Variants in GMDS observed in about 807,000 individuals in gnomAD.
The protein encoded by GMDS is GDP-mannose 4,6 dehydratase.
A neutral mutation model predicts 49.9 loss-of-function variants in GMDS; 20 were observed. The observed-to-expected ratio is 0.40, with a 90% CI of 0.28 to 0.58. The LOEUF (loss-of-function observed/expected upper bound fraction) is 0.58, where lower values mean the gene tolerates loss of function less well. Ranked by LOEUF, GMDS falls within the 20% of genes least tolerant of loss-of-function variation. The pLI is 0.42. For synonymous variants in GMDS, 177 were observed against 178.6 expected (o/e 0.99, Z 0.07); for missense variants, 362 against 481.4 (o/e 0.75, Z 2.32).
chr6:1,930,536 G>C, intron 6 of GMDS: 1 of 233,282 alleles, frequency 4.3e-6, no homozygotes, highest in East Asian at 8.9e-5. Context: ...CCAAAGAAAA[G>C]CTGTTGGAAT....
At chr6:2,020,763 A>G (rs1768230917) in intron 4 of GMDS, among the ~76,000 whole-genome samples, 5 of 152,214 alleles carry the variant, frequency 3.3e-5, no homozygotes, top group Admixed American at 3.3e-4. Flanking sequence ...GAAAGAGGAA[A>G]TTAGGCAAAT....
At chr6:1,668,648 A>G (rs1232458056) in intron 9 of GMDS, among the ~76,000 whole-genome samples, 4 of 151,960 alleles carry the variant, frequency 2.6e-5, no homozygotes, top group Non-Finnish European at 5.9e-5. Flanking sequence ...CGGAGTTTGC[A>G]GTAAGCTGAG....
intron 4 of GMDS, among the ~76,000 whole-genome samples, chr6:1,969,261 CAAAAAAAAA>C (rs761741871): frequency 5.5e-3 from 78 of 14,088 alleles, no homozygotes; most frequent in South Asian, 0.047. Flanking sequence ...GGCTCCATCT[CAAAAAAAAA>C]AAAAAAAAAA....
chr6:2,215,719 G>A (rs573701956), intron 1 of GMDS, among the ~76,000 whole-genome samples: 1 of 151,992 alleles, frequency 6.6e-6, no homozygotes, highest in Non-Finnish European at 1.5e-5. Flanking sequence ...TTAAAGACAG[G>A]CTAAGAGACA....
intron 7 of GMDS, among the ~76,000 whole-genome samples, chr6:1,813,758 AT>A (rs546210793): frequency 1.1e-3 from 173 of 152,084 alleles, no homozygotes; most frequent in African/African-American, 4.0e-3. Context: ...CTCATGTATT[AT>A]TTTTTTTAAT....
intron 4 of GMDS, among the ~76,000 whole-genome samples, chr6:2,026,799 G>A (rs1222718622): frequency 6.6e-6 from 1 of 152,164 alleles, no homozygotes; most frequent in Non-Finnish European, 1.5e-5. Context: ...GGATGTCAGT[G>A]CATATTAATC....
At chr6:2,072,692 A>G (rs892807272) in intron 4 of GMDS, among the ~76,000 whole-genome samples, 2 of 152,230 alleles carry the variant, frequency 1.3e-5, no homozygotes, top group African/African-American at 4.8e-5. Flanking sequence ...GAAGCCAAGA[A>G]CAACAGGCAT....
chr6:1,724,904 A>G (rs1394799744), intron 9 of GMDS, among the ~76,000 whole-genome samples: 1 of 152,214 alleles, frequency 6.6e-6, no homozygotes, highest in Non-Finnish European at 1.5e-5. Context: ...GCACGACTCC[A>G]CAGCCCTACC....
intron 9 of GMDS, among the ~76,000 whole-genome samples, chr6:1,685,044 TA>T (rs1197317751): frequency 6.6e-6 from 1 of 150,556 alleles, no homozygotes; most frequent in Non-Finnish European, 1.5e-5. Flanking sequence ...TTACCCACCT[TA>T]AAAAAAAGGT....
intron 6 of GMDS, among the ~76,000 whole-genome samples, chr6:1,935,084 T>G (rs149573595): frequency 8.4e-4 from 128 of 152,342 alleles, no homozygotes; most frequent in African/African-American, 3.0e-3. Context: ...CTTAAATACA[T>G]ACTTGATTTA....
Position 1,780,639 on chromosome 6 carries a change from G to A in GMDS, c.772-38053C>T, listed in dbSNP as rs543405513. ...GTGCCAGGCCCAGGAGCTGGCTCCC[G>A]CGCTGCTCTGCCCATCCTCTGCCCG... On this transcript the variant is annotated intron_variant, in intron 7 of 10. Transcript: ENST00000380815. Among the ~76,000 whole-genome samples, 25 of 152,298 alleles carry A rather than the reference G, an allele frequency of 1.6e-4. 1 individual carries two copies. Among genetic ancestry groups the A allele is most frequent in the African/African-American group, 4.3e-4 (18 of 41,572 alleles).
intron 9 of GMDS, among the ~76,000 whole-genome samples, chr6:1,715,920 A>T (rs1320665295): frequency 6.6e-6 from 1 of 152,238 alleles, no homozygotes; most frequent in Non-Finnish European, 1.5e-5. Flanking sequence ...CTTGCCTTAG[A>T]AAAAATGACA....
In GMDS at chr6:1,810,321, T is replaced by C. The variant is rs150730085; in HGVS notation, c.772-67735A>G. 2.9e-3 allele frequency among the ~76,000 whole-genome samples: 445 copies of C among 151,756 alleles called. 1 individual carries two copies. Among genetic ancestry groups the C allele is most frequent in the African/African-American group, 0.01 (418 of 41,344 alleles). On this transcript the variant is annotated intron_variant, in intron 7 of 10. Coordinates refer to ENST00000380815, the MANE Select transcript of GMDS (RefSeq NM_001500.4). ...TTATTTTTATTTTTTTGAGATGGAG[T>C]CTTGCTCCGTCACCCAGGCTGGAGT...
At chr6:2,094,358 C>T (rs1036031420) in intron 4 of GMDS, among the ~76,000 whole-genome samples, 9 of 152,154 alleles carry the variant, frequency 5.9e-5, no homozygotes, top group African/African-American at 2.2e-4. Flanking sequence ...CTACTAGGTC[C>T]AAATATTAAC....
chr6:1,768,653 G>T (rs953003712), intron 7 of GMDS, among the ~76,000 whole-genome samples: 3 of 152,202 alleles, frequency 2.0e-5, no homozygotes, highest in African/African-American at 7.2e-5. Context: ...ACGTCCAAAG[G>T]ACATGCTCAT....
At chr6:1,733,480 C>A (rs967004327) in intron 8 of GMDS, among the ~76,000 whole-genome samples, 1 of 152,094 alleles carries the variant, frequency 6.6e-6, no homozygotes, top group South Asian at 2.1e-4. Context: ...GGAGGGACCC[C>A]GATTCTGAAG....
chr6:2,076,580 A>G (rs1178874334), intron 4 of GMDS, among the ~76,000 whole-genome samples: 2 of 152,206 alleles, frequency 1.3e-5, no homozygotes, highest in African/African-American at 2.4e-5. Flanking sequence ...CCAATGGAAC[A>G]GAACAGAGCC....
At chr6:1,967,036 G>A (rs768954848) in intron 4 of GMDS, among the ~76,000 whole-genome samples, 18 of 151,904 alleles carry the variant, frequency 1.2e-4, no homozygotes, top group Non-Finnish European at 2.2e-4. Flanking sequence ...CAGCCTCTCC[G>A]GCCACCCTGC....
At chr6:2,212,270 A>C (rs970543940) in intron 1 of GMDS, among the ~76,000 whole-genome samples, 1 of 152,198 alleles carries the variant, frequency 6.6e-6, no homozygotes, top group South Asian at 2.1e-4. Flanking sequence ...TCTACTTGGG[A>C]AAGTTAAGAG....
Sources: allele counts gnomAD v4.1 joint callset (sites outside exome capture counted in the v4.1 genomes callset), GRCh38; gene constraint gnomAD v4.1.1; transcripts MANE v1.5; gene names NCBI Gene and HGNC (gene_info 2026-07-23, HGNC 2026-07-21).